Variants in NOTCH4 observed in about 807,000 individuals in gnomAD.
NOTCH4 encodes neurogenic locus notch homolog protein 4.
In NOTCH4, 138 loss-of-function variants were observed where a neutral mutation model predicts 189.0. That is an observed-to-expected ratio of 0.73 (90% confidence interval 0.64 to 0.84). The LOEUF (loss-of-function observed/expected upper bound fraction) is 0.84, where lower values mean the gene tolerates loss of function less well. Ranked by LOEUF, NOTCH4 falls within the 40% of genes least tolerant of loss-of-function variation. The probability of loss-of-function intolerance (pLI) is 0.00; values close to 1 mark genes in which losing one functional copy is unlikely to be tolerated. For missense variants in NOTCH4, 2,286 were observed against 2,605.4 expected, an observed-to-expected ratio of 0.88 and a Z score of 2.67; for synonymous variants, 942 against 1,032.8, an observed-to-expected ratio of 0.91 and a Z score of 1.69.
In NOTCH4 at chr6:32,217,529, C is replaced by T. The variant is rs753236074; in HGVS notation, c.1625-263G>A. 2.0e-5 allele frequency among the ~76,000 whole-genome samples: 3 copies of T among 152,202 alleles called. No individual in the cohort carries two copies. Among genetic ancestry groups the T allele is most frequent in the Non-Finnish European group, 2.9e-5 (2 of 68,038 alleles). ...AAAGGGGAATAATAATGGAACCTAC[C>T]TCATGGTACTGTTAAAAAGATTAAA... On this transcript the variant is annotated intron_variant, in intron 9 of 29. Transcript: ENST00000375023. The surrounding 1 kb of genome is among the most constrained non-coding windows in gnomAD (Gnocchi z 4.2).
chr6:32,221,058 G>C lies in NOTCH4; in HGVS notation c.719C>G (p.Pro240Arg). 1 of 1,612,984 alleles carries C rather than the reference G, an allele frequency of 6.2e-7. No individual in the cohort carries two copies. Among genetic ancestry groups the C allele is most frequent in the Non-Finnish European group, 8.5e-7 (1 of 1,179,748 alleles). Reference protein sequence around the residue: ...RCELRAGPCPPRGCSNGGTCQ... With the variant: ...RCELRAGPCPRRGCSNGGTCQ... ...GGTGCCCCCATTCGAACAGCCCCTA[G>C]GAGGGCAGGGTCCTGCCCGCAGCTC... is the stretch of plus-strand genomic sequence containing the variant. Residue 240 changes from proline to arginine, a missense_variant, in exon 4 of 30, where the codon CCT becomes CGT. Physicochemically the swap from Pro to Arg is moderately radical, Grantham distance 103. This residue lies in a region of NOTCH4 where 1,903 missense variants were observed against 2,261.9 expected (regional missense o/e 0.84). Coordinates refer to ENST00000375023, the MANE Select transcript of NOTCH4 (RefSeq NM_004557.4). The surrounding 1 kb of genome is among the most constrained non-coding windows in gnomAD (Gnocchi z 4.3).
intron 29 of NOTCH4, 52 bp downstream of exon 29, chr6:32,196,272 C>G: frequency 6.2e-7 from 1 of 1,613,038 alleles, no homozygotes; most frequent in African/African-American, 1.3e-5. Context: ...ACCGCACTTT[C>G]CATCTCTCGT....
At chr6:32,220,317 G>C (rs1428737484) in intron 6 of NOTCH4, 33 bp from the exon 7 acceptor site, 2 of 1,609,366 alleles carry the variant, frequency 1.2e-6, no homozygotes, top group East Asian at 2.2e-5. Flanking sequence ...GGCTCTCAAA[G>C]GCCACTTGAA....
chr6:32,208,048 A>G (rs1168434363), intron 18 of NOTCH4, among the ~76,000 whole-genome samples: 1 of 151,772 alleles, frequency 6.6e-6, no homozygotes, highest in African/African-American at 2.4e-5. Flanking sequence ...GCTTCAAGAC[A>G]TTGGTCTGGG....
chr6:32,196,178 A>G, intron 29 of NOTCH4, 28 bp from the exon 30 acceptor site: 1 of 1,590,560 alleles, frequency 6.3e-7, no homozygotes, highest in Non-Finnish European at 8.5e-7. Flanking sequence ...GGCCGATATC[A>G]GGGAAGGCCA....
rs1428376768 is a variant in NOTCH4, at chr6:32,210,554, A to G, written c.2865+198T>C. Among the ~76,000 whole-genome samples the G allele has an allele frequency of 2.0e-5, 3 of 152,188 alleles. No individual in the cohort carries two copies. The highest frequency in any genetic ancestry group is 2.0e-4 in the Admixed American group (3 of 15,278). On this transcript the variant is annotated intron_variant, in intron 18 of 29. Coordinates refer to ENST00000375023, the MANE Select transcript of NOTCH4 (RefSeq NM_004557.4). This position sits in a 1 kb window ranked among gnomAD's most constrained non-coding sequence, Gnocchi z 4.8. The stretch of plus-strand genomic sequence containing the variant: ...AGGTCAGGACTCAGGCAGTGGGACA[A>G]AGGGTGAAGGTGAAAGCACAGACTT...
rs200731043 is a variant in NOTCH4 at position 32,220,129 on chromosome 6, C to G, written c.1315G>C (p.Ala439Pro). Residue 439 changes from alanine to proline, a missense_variant and splice_region_variant, in exon 7 of 30, where the codon GCC becomes CCC. Around this residue, in one of 2 missense-constraint regions of NOTCH4, gnomAD observed 1,903 missense variants for 2,261.9 expected, o/e 0.84. Coordinates refer to ENST00000375023, the MANE Select transcript of NOTCH4 (RefSeq NM_004557.4). ...GGCTCTGAAGTGGGAGTGGCCTCACCCATCAGACACTCGTCCAGGTCCTGG... is the reference window on the plus strand; with the variant it reads ...GGCTCTGAAGTGGGAGTGGCCTCACGCATCAGACACTCGTCCAGGTCCTGG... ...CHQDLDECLM[A>P]QQGPSPCEHG... 238 of 1,613,246 alleles carry G rather than the reference C, an allele frequency of 1.5e-4. 2 individuals carry two copies. The East Asian group carries it at 5.1e-3, about 34-fold the overall frequency.
At position 32,219,758 on chromosome 6, in the gene NOTCH4, A is replaced by T; in HGVS notation, c.1344T>A (p.His448Gln). The change falls in exon 8 of 30, where the codon CAT (histidine) becomes CAA (glutamine). Residue 448 changes from histidine (H) to glutamine (Q), a missense_variant. Around this residue, in one of 2 missense-constraint regions of NOTCH4, gnomAD observed 1,903 missense variants for 2,261.9 expected, o/e 0.84. Transcript: ENST00000375023. ...MAQQGPSPCE[H>Q]GGSCLNTPGS... Reference sequence around the variant, plus strand: ...CAGGAGTGTTGAGGCAGGAACCGCCATGTTCACAGGGACTTGGGCCTTGCT... The same window carrying T: ...CAGGAGTGTTGAGGCAGGAACCGCCTTGTTCACAGGGACTTGGGCCTTGCT... The T allele has an allele frequency of 6.2e-7, 1 of 1,612,868 alleles. No homozygotes were observed. The highest frequency in any genetic ancestry group is 8.5e-7 in the Non-Finnish European group (1 of 1,179,882).
chr6:32,217,189 C>G lies in NOTCH4; in HGVS notation c.1702G>C (p.Asp568His). 2 of 1,613,092 alleles carry G rather than the reference C, an allele frequency of 1.2e-6. No homozygotes were observed. The highest frequency in any genetic ancestry group is 1.7e-6 in the Non-Finnish European group (2 of 1,180,030). Reference protein sequence around the residue: ...SPCANGGQCQDQPGAFHCKCL... With the variant: ...SPCANGGQCQHQPGAFHCKCL... ...TTGCAGTGGAAGGCTCCAGGCTGGTCCTGGCACTGCCCACCATTGGCACAG... is the reference window on the plus strand; with the variant it reads ...TTGCAGTGGAAGGCTCCAGGCTGGTGCTGGCACTGCCCACCATTGGCACAG... Residue 568 changes from aspartate (D) to histidine (H), a missense_variant, in exon 10 of 30, where the codon GAC becomes CAC. This residue lies in a region of NOTCH4 where 1,903 missense variants were observed against 2,261.9 expected (regional missense o/e 0.84). Transcript: ENST00000375023. This position sits in a 1 kb window ranked among gnomAD's most constrained non-coding sequence, Gnocchi z 4.2.
At position 32,210,842 on chromosome 6, in the gene NOTCH4, G is replaced by T. The variant is rs146595228; in HGVS notation, c.2775C>A (p.Ser925Arg). ...ATGGGTTCACGTGATCCTGGCACAG[G>T]CTGCCTTGGAATCCAGGGGGGCAGT... ...FCHCPPGFQG[S>R]LCQDHVNPCE... is the part of the protein sequence containing the mutation. Residue 925 changes from serine (S) to arginine (R), a missense_variant, in exon 18 of 30, where the codon AGC becomes AGA. Coordinates refer to ENST00000375023, the MANE Select transcript of NOTCH4 (RefSeq NM_004557.4). This position sits in a 1 kb window ranked among gnomAD's most constrained non-coding sequence, Gnocchi z 4.8. 1.9e-6 allele frequency: 3 copies of T among 1,612,902 alleles called. No individual in the cohort carries two copies. The highest frequency in any genetic ancestry group is 2.7e-5 in the African/African-American group (2 of 74,940).
rs781692513 is a variant in NOTCH4 at position 32,210,971 on chromosome 6, A to G, written c.2681-35T>C. 7.2e-6 allele frequency: 11 copies of G among 1,534,246 alleles called. No individual in the cohort carries two copies. Among genetic ancestry groups the G allele is most frequent in the African/African-American group, 2.8e-5 (2 of 72,302 alleles). ...GAGACAAACAGGGATATACAAAGAT[A>G]AGTGGGGGGCCGGGCGCCATGGCTT... On this transcript the variant is annotated intron_variant, in intron 17 of 29. Transcript: ENST00000375023. This position sits in a 1 kb window ranked among gnomAD's most constrained non-coding sequence, Gnocchi z 4.8.
chr6:32,204,556 C>A (rs550954830), intron 18 of NOTCH4, among the ~76,000 whole-genome samples, 167 bp from the exon 19 acceptor site: 113 of 152,280 alleles, frequency 7.4e-4, no homozygotes, highest in African/African-American at 2.6e-3. Context: ...ATCTCAACTC[C>A]CCATGAGACA....
rs1788591834 is a variant in NOTCH4, at chr6:32,205,127, G to GGGGAAAGGACACTCTCTT, written c.2866-739_2866-738insAAGAGAGTGTCCTTTCCC. On this transcript the variant is annotated intron_variant, in intron 18 of 29. Transcript: ENST00000375023. The stretch of plus-strand genomic sequence containing the variant: ...CTTCTTGCAAGAGGAAAGAGAGTGT[G>GGGGAAAGGACACTCTCTT]CAAGAGTACAGTACCAGGAAGGCAG... 2.6e-5 allele frequency among the ~76,000 whole-genome samples: 4 copies of GGGGAAAGGACACTCTCTT among 152,120 alleles called. 1 individual carries two copies. The East Asian group carries it at 5.8e-4, about 22-fold the overall frequency.
chr6:32,216,889 C>G, intron 11 of NOTCH4, 56 bp downstream of exon 11: 1 of 1,606,130 alleles, frequency 6.2e-7, no homozygotes, highest in Admixed American at 1.7e-5. Context: ...AACTCTGCCC[C>G]AACCCAAATG....
chr6:32,203,355 G>A (rs1788472692), intron 20 of NOTCH4: 1 of 171,746 alleles, frequency 5.8e-6, no homozygotes, highest in African/African-American at 2.4e-5. Context: ...GTGTTACATT[G>A]TTAGAATAAT....
At chr6:32,219,146 A>G (rs1015707852) in intron 8 of NOTCH4, among the ~76,000 whole-genome samples, 1 of 152,158 alleles carries the variant, frequency 6.6e-6, no homozygotes, top group Non-Finnish European at 1.5e-5. Flanking sequence ...TTGTTGTACC[A>G]AATTTTCCTG....
intron 26 of NOTCH4, 87 bp from the exon 27 acceptor site, chr6:32,197,681 T>C: frequency 8.0e-7 from 1 of 1,244,086 alleles, no homozygotes; most frequent in African/African-American, 1.6e-5. Context: ...AATCAAAACC[T>C]GAGGTGTTGG....
In NOTCH4 at chr6:32,221,557, A is replaced by T. The variant is rs1305801511; in HGVS notation, c.452-232T>A. Among the ~76,000 whole-genome samples the T allele has an allele frequency of 6.6e-6, 1 of 152,046 alleles. No homozygotes were observed. The highest frequency in any genetic ancestry group is 1.5e-5 in the Non-Finnish European group (1 of 68,010). ...CTAAAGTGATGATGAGAGTATTGCAAATTGGCCTTGCCTGAGAAAATCTGG... is the reference window on the plus strand; with the variant it reads ...CTAAAGTGATGATGAGAGTATTGCATATTGGCCTTGCCTGAGAAAATCTGG... On this transcript the variant is annotated intron_variant, in intron 3 of 29. Transcript: ENST00000375023. The surrounding 1 kb of genome is among the most constrained non-coding windows in gnomAD (Gnocchi z 4.3).
chr6:32,222,737 T>C lies in NOTCH4; in HGVS notation c.225A>G (p.Gln75=), dbSNP rs1373522327. 1 of 1,611,606 alleles carries C rather than the reference T, an allele frequency of 6.2e-7. No homozygotes were observed. The highest frequency in any genetic ancestry group is 2.2e-5 in the East Asian group (1 of 44,856). The change falls in exon 3 of 30, where the codon CAA becomes CAG. Residue 75 remains glutamine, a synonymous_variant. Transcript: ENST00000375023. The stretch of plus-strand genomic sequence containing the variant: ...GCAGGGCTTGGCAGCTGCCTCCATT[T>C]TGGCAGAGCTGGGCGTTCTGGCAGG... The part of the protein sequence containing the change: ...PDPCQNAQLC[Q]NGGSCQALLP...
Sources: gnomAD v4.1 joint callset for allele counts (sites outside exome capture counted in the v4.1 genomes callset) on GRCh38, gnomAD v4.1.1 for gene constraint, gnomAD v4.1.1 regional missense constraint, Gnocchi (gnomAD v3.1) non-coding constraint, MANE v1.5 for transcripts, NCBI Gene and HGNC (gene_info 2026-07-23, HGNC 2026-07-21) for gene names.